Variants in MED12L observed in about 807,000 individuals in gnomAD.
MED12L encodes mediator of RNA polymerase II transcription subunit 12-like protein.
A neutral mutation model predicts 281.3 loss-of-function variants in MED12L; 60 were observed. The observed-to-expected ratio is 0.21, with a 90% confidence interval of 0.17 to 0.26. The LOEUF (loss-of-function observed/expected upper bound fraction) is 0.26, where lower values mean the gene tolerates loss of function less well. Ranked by LOEUF, MED12L falls within the 10% of genes least tolerant of loss-of-function variation. The pLI is 1.00. For missense variants in MED12L, 2,146 were observed against 2,680.9 expected (o/e 0.80, Z 4.41); for synonymous variants, 974 against 987.2 (o/e 0.99, Z 0.25).
intron 38 of MED12L, among the ~76,000 whole-genome samples, chr3:151,393,785 G>A (rs151258712): frequency 3.0e-3 from 454 of 152,204 alleles, no homozygotes; most frequent in African/African-American, 0.01. Context: ...GTGGCACTGA[G>A]TCTTTAAAAG....
intron 21 of MED12L, among the ~76,000 whole-genome samples, chr3:151,364,544 A>G (rs975323739): frequency 6.6e-6 from 1 of 152,188 alleles, no homozygotes; most frequent in Non-Finnish European, 1.5e-5. Context: ...TGCGTACACT[A>G]TACCAGAGAA....
At chr3:151,196,608 A>G (rs919908201) in intron 16 of MED12L, among the ~76,000 whole-genome samples, 3 of 152,186 alleles carry the variant, frequency 2.0e-5, no homozygotes, top group Non-Finnish European at 4.4e-5. Context: ...TTCCTAGACT[A>G]CCAGCAAACA....
At position 151,319,053 on chromosome 3, in the gene MED12L, A is replaced by T. The variant is rs928030005; in HGVS notation, c.2251-31006A>T. ...CTGGCAGCGCAAATTTAGTATAGTA[A>T]CAAAAAAGTTAACGCAAGGCAGCCT... On this transcript the variant is annotated intron_variant, in intron 16 of 44. Transcript: ENST00000687756. 2.6e-4 allele frequency among the ~76,000 whole-genome samples: 40 copies of T among 152,288 alleles called. 1 individual carries two copies. Among genetic ancestry groups the T allele is most frequent in the African/African-American group, 9.4e-4 (39 of 41,558 alleles).
intron 11 of MED12L, among the ~76,000 whole-genome samples, chr3:151,178,948 G>A (rs930978599): frequency 7.2e-5 from 11 of 152,146 alleles, no homozygotes. Flanking sequence ...GTAACATTAA[G>A]ACTTTCAATT....
rs1404885334 is a variant in MED12L, at chr3:151,213,922, A to G, written c.2250+20256A>G. ...AAGTTTGCTGTAACTCACTGACTGGATGAAAGAAGTCCAAAGAGGCTTTAC... is the reference window on the plus strand; with the variant it reads ...AAGTTTGCTGTAACTCACTGACTGGGTGAAAGAAGTCCAAAGAGGCTTTAC... On this transcript the variant is annotated intron_variant, in intron 16 of 44. Coordinates refer to ENST00000687756, the MANE Select transcript of MED12L (RefSeq NM_001393769.1). 5 of 1,614,194 alleles carry G rather than the reference A, an allele frequency of 3.1e-6. No individual in the cohort carries two copies. The highest frequency in any genetic ancestry group is 4.2e-6 in the Non-Finnish European group (5 of 1,180,000).
At chr3:151,237,775 A>G (rs1733215751) in intron 16 of MED12L, among the ~76,000 whole-genome samples, 1 of 152,160 alleles carries the variant, frequency 6.6e-6, no homozygotes, top group South Asian at 2.1e-4. Flanking sequence ...TTCTTATGAA[A>G]TGTTATTATA....
rs781490131 is a variant in MED12L, at chr3:151,377,045, A to G, written c.4183A>G (p.Thr1395Ala). 1 of 1,614,012 alleles carries G rather than the reference A, an allele frequency of 6.2e-7. No homozygotes were observed. Among genetic ancestry groups the G allele is most frequent in the Non-Finnish European group, 8.5e-7 (1 of 1,179,980 alleles). ...CTTACTGGACAATATTGCAAAGGCAACAATAGAGGTATTCCAGCAGTCTGC... is the reference window on the plus strand; with the variant it reads ...CTTACTGGACAATATTGCAAAGGCAGCAATAGAGGTATTCCAGCAGTCTGC... Reference protein sequence around the residue: ...NNLLDNIAKATIEVFQQSADL... With the variant: ...NNLLDNIAKAAIEVFQQSADL... Residue 1395 changes from threonine to alanine, a missense_variant, in exon 30 of 45, where the codon ACA (threonine) becomes GCA (alanine). Thr to Ala is a moderately conservative substitution (Grantham distance 58). Transcript: ENST00000687756.
chr3:151,214,695 A>C (rs1361054305), intron 16 of MED12L, among the ~76,000 whole-genome samples: 2 of 152,076 alleles, frequency 1.3e-5, no homozygotes, highest in Non-Finnish European at 2.9e-5. Flanking sequence ...AAACTGGAGC[A>C]GCAGGGCAGT....
chr3:151,269,910 A>T, intron 16 of MED12L: 1 of 456,428 alleles, frequency 2.2e-6, no homozygotes, highest in Admixed American at 2.4e-5. Context: ...GACCGTTCTG[A>T]TGCAGGTGTT....
rs1307139517 is a variant in MED12L, at chr3:151,389,932, T to G, written c.5452-47T>G. On this transcript the variant is annotated intron_variant, in intron 37 of 44. Coordinates refer to ENST00000687756, the MANE Select transcript of MED12L (RefSeq NM_001393769.1). Reference sequence around the variant, plus strand: ...TGAAGTTATTTGCATTAATTAGCTGTGTGATATGTGGAGTTACGTAACTTT... The same window carrying G: ...TGAAGTTATTTGCATTAATTAGCTGGGTGATATGTGGAGTTACGTAACTTT... 1.9e-6 allele frequency: 3 copies of G among 1,589,870 alleles called. No homozygotes were observed. In the Admixed American group the frequency reaches 5.0e-5, roughly 27 times the overall value.
chr3:151,221,475 G>A (rs1729340574), intron 16 of MED12L, among the ~76,000 whole-genome samples: 1 of 152,202 alleles, frequency 6.6e-6, no homozygotes, highest in Non-Finnish European at 1.5e-5. Flanking sequence ...GAAGGAAAAA[G>A]TGGTTTCGTG....
At chr3:151,120,464 T>C (rs1254485889) in intron 3 of MED12L, among the ~76,000 whole-genome samples, 1 of 152,234 alleles carries the variant, frequency 6.6e-6, no homozygotes, top group Non-Finnish European at 1.5e-5. Flanking sequence ...AGCAACATTT[T>C]GCAAAAAATG....
At chr3:151,267,003 G>A (rs909934809) in intron 16 of MED12L, among the ~76,000 whole-genome samples, 1 of 152,160 alleles carries the variant, frequency 6.6e-6, no homozygotes, top group Non-Finnish European at 1.5e-5. Flanking sequence ...TTTATACATA[G>A]TGTTGACAAA....
intron 2 of MED12L, among the ~76,000 whole-genome samples, chr3:151,098,148 TCTTTA>T (rs1720962132): frequency 1.3e-5 from 2 of 152,166 alleles, no homozygotes; most frequent in Non-Finnish European, 2.9e-5. Context: ...GTCATGGGGA[TCTTTA>T]CTTTGTGGAG....
intron 16 of MED12L, among the ~76,000 whole-genome samples, chr3:151,243,419 CG>C (rs35026088): frequency 0.86 from 124,247 of 144,936 alleles, 53,241 homozygotes; most frequent in African/African-American, 0.94. Flanking sequence ...GCGGATCTCT[CG>C]GCAGAAACCC....
At chr3:151,381,536 A>G (rs1712342088) in intron 32 of MED12L, among the ~76,000 whole-genome samples, 1 of 152,180 alleles carries the variant, frequency 6.6e-6, no homozygotes, top group African/African-American at 2.4e-5. Context: ...GTGCCTGTGC[A>G]TCTTTTCTTC....
chr3:151,334,443 G>A (rs1750733342), intron 16 of MED12L, among the ~76,000 whole-genome samples: 1 of 151,076 alleles, frequency 6.6e-6, no homozygotes, highest in Non-Finnish European at 1.5e-5. Flanking sequence ...TTTTGTAAAA[G>A]GTTTTTTTCC....
intron 16 of MED12L, chr3:151,338,802 CTGG>C (rs1560047097): frequency 1.9e-6 from 3 of 1,613,898 alleles, no homozygotes; most frequent in South Asian, 2.2e-5. Context: ...GGTGCACAGA[CTGG>C]TGTTACCAGG....
chr3:151,151,522 A>G (rs1381927712), intron 5 of MED12L, among the ~76,000 whole-genome samples: 1 of 141,054 alleles, frequency 7.1e-6, no homozygotes, highest in African/African-American at 2.7e-5. Flanking sequence ...CTTAAAGGTT[A>G]TTGTAGGTTC....
Sources: allele counts gnomAD v4.1 joint callset (sites outside exome capture counted in the v4.1 genomes callset), GRCh38; gene constraint gnomAD v4.1.1; transcripts MANE v1.5; gene names NCBI Gene and HGNC (gene_info 2026-07-23, HGNC 2026-07-21).